Variants in SLCO3A1 observed in about 807,000 individuals in gnomAD.
The protein encoded by SLCO3A1 is PGE1 transporter.
SLCO3A1 carries 27 observed loss-of-function variants against 63.1 expected under a neutral mutation model. The ratio of observed to expected loss-of-function variants is 0.43; its 90% confidence interval spans 0.32 to 0.59. The LOEUF (loss-of-function observed/expected upper bound fraction) is 0.59. SLCO3A1 is among the 20% of genes least tolerant of loss of function. SLCO3A1 has a pLI of 0.09. For synonymous variants in SLCO3A1, 473 were observed against 409.9 expected (o/e 1.15, Z -1.86); for missense variants, 773 against 945.8 (o/e 0.82, Z 2.40).
intron 6 of SLCO3A1, among the ~76,000 whole-genome samples, chr15:92,127,466 T>C (rs942398732): frequency 7.5e-4 from 114 of 152,346 alleles, no homozygotes; most frequent in African/African-American, 2.7e-3. Flanking sequence ...GTTTCTTCTC[T>C]AAAGCCCATG....
intron 2 of SLCO3A1, among the ~76,000 whole-genome samples, chr15:91,992,452 T>C (rs375367048): frequency 6.6e-5 from 10 of 152,316 alleles, no homozygotes; most frequent in African/African-American, 1.7e-4. Flanking sequence ...ACTACATGAT[T>C]TGTGTGTTTC....
In SLCO3A1 at chr15:92,163,750, G is replaced by A; in HGVS notation, c.*615G>A. 2 of 985,406 alleles carry A rather than the reference G, an allele frequency of 2.0e-6. No individual in the cohort carries two copies. The highest frequency in any genetic ancestry group is 2.4e-6 in the Non-Finnish European group (2 of 829,980). 61.0% of individuals were successfully genotyped at this position (985,406 alleles called of 1,614,324 possible). A position where few individuals can be genotyped will look rare whatever the true frequency, so the allele number is the denominator to read the frequency against. On this transcript the variant is annotated 3_prime_UTR_variant, in exon 10 of 10. Coordinates refer to ENST00000318445, the MANE Select transcript of SLCO3A1 (RefSeq NM_013272.4). ...TCACCCAGTCTGCATGTGGTTCAAG[G>A]CCCCAGAGTTCTCTCAGTGATGCTA...
chr15:91,940,393 G>A (rs1899578444), intron 2 of SLCO3A1, among the ~76,000 whole-genome samples: 1 of 152,156 alleles, frequency 6.6e-6, no homozygotes, highest in African/African-American at 2.4e-5. Flanking sequence ...TATGGAAGAG[G>A]GGATCCAGAC....
intron 2 of SLCO3A1, among the ~76,000 whole-genome samples, chr15:92,090,912 C>A (rs1195860317): frequency 1.3e-5 from 2 of 152,148 alleles, no homozygotes; most frequent in Non-Finnish European, 2.9e-5. Context: ...TATTGTTACC[C>A]CCACTTTACA....
chr15:91,931,473 CT>C (rs36006689), intron 2 of SLCO3A1, among the ~76,000 whole-genome samples: 14,363 of 142,542 alleles, frequency 0.1, 708 homozygotes, highest in Non-Finnish European at 0.12. Context: ...TGGGTTGTAT[CT>C]TTTTTTTTTT....
chr15:91,870,713 C>T (rs1474552069), intron 1 of SLCO3A1, among the ~76,000 whole-genome samples: 1 of 142,390 alleles, frequency 7.0e-6, no homozygotes, highest in African/African-American at 2.6e-5. Context: ...TACTTGAATC[C>T]CTTTTTTTTA....
At chr15:91,979,169 A>C (rs1901236779) in intron 2 of SLCO3A1, among the ~76,000 whole-genome samples, 1 of 152,198 alleles carries the variant, frequency 6.6e-6, no homozygotes, top group South Asian at 2.1e-4. Context: ...AGCCCCAAAA[A>C]GCTTGGGACC....
chr15:92,080,675 G>A (rs1278626697), intron 2 of SLCO3A1, among the ~76,000 whole-genome samples: 1 of 152,130 alleles, frequency 6.6e-6, no homozygotes, highest in Non-Finnish European at 1.5e-5. Flanking sequence ...AGGCCACACG[G>A]GGTACACCAG....
intron 2 of SLCO3A1, among the ~76,000 whole-genome samples, chr15:92,076,550 A>G (rs1055713065): frequency 1.3e-5 from 2 of 152,302 alleles, no homozygotes; most frequent in East Asian, 1.9e-4. Flanking sequence ...GAATCCACGG[A>G]TAGACAGTGC....
At chr15:91,915,009 T>C (rs181909614) in intron 1 of SLCO3A1, among the ~76,000 whole-genome samples, 1 of 152,298 alleles carries the variant, frequency 6.6e-6, no homozygotes, top group East Asian at 1.9e-4. Context: ...ACTCTTGTCT[T>C]GCTCACAGCA....
intron 2 of SLCO3A1, among the ~76,000 whole-genome samples, chr15:92,007,029 T>C (rs2046320649): frequency 2.0e-5 from 3 of 152,248 alleles, no homozygotes; most frequent in Admixed American, 2.0e-4. Flanking sequence ...TGTCATATTA[T>C]ACCGATTTAG....
At chr15:92,149,987 A>T (rs1339357400) in intron 8 of SLCO3A1, among the ~76,000 whole-genome samples, 1 of 152,106 alleles carries the variant, frequency 6.6e-6, no homozygotes, top group Non-Finnish European at 1.5e-5. Context: ...AAGGGTGCTG[A>T]CTGTGTTTCT....
chr15:92,076,614 T>C (rs1047280810), intron 2 of SLCO3A1, among the ~76,000 whole-genome samples: 1 of 152,192 alleles, frequency 6.6e-6, no homozygotes, highest in African/African-American at 2.4e-5. Context: ...TGATTCTCAT[T>C]CTGCTGAGCC....
Position 91,872,720 on chromosome 15 carries a change from ATGTTACCACC to A in SLCO3A1, c.180+18636_180+18645del, listed in dbSNP as rs1897309909. On this transcript the variant is annotated intron_variant, in intron 1 of 9. Transcript: ENST00000318445. The surrounding 1 kb of genome is among the most constrained non-coding windows in gnomAD (Gnocchi z 4.1). ...TTGAGTGTGTTGATATTATTTTAAC[ATGTTACCACC>A]TGTGAGAGAACACTGTTCTCACTCT... Among the ~76,000 whole-genome samples, 1 of 152,156 alleles carries A rather than the reference ATGTTACCACC, an allele frequency of 6.6e-6. No homozygotes were observed. The highest frequency in any genetic ancestry group is 2.1e-4 in the South Asian group (1 of 4,828).
intron 2 of SLCO3A1, among the ~76,000 whole-genome samples, chr15:91,931,450 C>T (rs1199302776): frequency 1.3e-5 from 2 of 151,826 alleles, no homozygotes; most frequent in African/African-American, 2.4e-5. Context: ...TGGGCAAACC[C>T]TGCTTCTTCT....
At chr15:91,905,572 A>G in intron 1 of SLCO3A1, among the ~76,000 whole-genome samples, 1 of 149,438 alleles carries the variant, frequency 6.7e-6, no homozygotes, top group East Asian at 1.9e-4. Context: ...GAATCCCTGG[A>G]TGGACCTGTG....
At chr15:92,167,488 T>G (rs2048499710), downstream of SLCO3A1, among the ~76,000 whole-genome samples, 1 of 152,226 alleles carries the variant, frequency 6.6e-6, no homozygotes, top group Admixed American at 6.5e-5. Flanking sequence ...TTCCTTCCTT[T>G]TTTATTACAC....
At position 92,153,179 on chromosome 15, in the gene SLCO3A1, G is replaced by A. The variant is rs971166326; in HGVS notation, c.1753+2165G>A. On this transcript the variant is annotated intron_variant, in intron 9 of 9. Coordinates refer to ENST00000318445, the MANE Select transcript of SLCO3A1 (RefSeq NM_013272.4). ...CTTCTGCAACTGTAATCTAGAGCAA[G>A]AGATGACAAGTTTTGCATTATGGCC... Among the ~76,000 whole-genome samples, 5 of 151,858 alleles carry A rather than the reference G, an allele frequency of 3.3e-5. No homozygotes were observed. In the East Asian group the frequency reaches 9.6e-4, roughly 29 times the overall value.
intron 2 of SLCO3A1, among the ~76,000 whole-genome samples, chr15:91,947,195 A>G (rs1340608491): frequency 6.6e-6 from 1 of 151,726 alleles, no homozygotes; most frequent in Non-Finnish European, 1.5e-5. Flanking sequence ...CCCTTCTGGG[A>G]CCTCCCTCCT....
Sources: allele counts gnomAD v4.1 joint callset (sites outside exome capture counted in the v4.1 genomes callset), GRCh38; gene constraint gnomAD v4.1.1; non-coding constraint Gnocchi (gnomAD v3.1); transcripts MANE v1.5; gene names NCBI Gene and HGNC (gene_info 2026-07-23, HGNC 2026-07-21).